The following IQGAP2 variants were observed in gnomAD, a reference collection of about 807,000 sequenced individuals.
IQGAP2 encodes ras GTPase-activating-like protein IQGAP2.
IQGAP2 carries 173 observed loss-of-function variants against 201.3 expected under a neutral mutation model. The observed-to-expected ratio is 0.86, with a 90% CI of 0.76 to 0.98. The LOEUF (loss-of-function observed/expected upper bound fraction) is 0.98. IQGAP2 is among the 50% of genes least tolerant of loss of function. The pLI is 0.00. For missense variants in IQGAP2, 1,687 were observed against 1,864.8 expected, an observed-to-expected ratio of 0.90 and a Z score of 1.76; for synonymous variants, 675 against 673.9, an observed-to-expected ratio of 1.00 and a Z score of -0.03.
intron 35 of IQGAP2, among the ~76,000 whole-genome samples, chr5:76,705,195 C>G (rs1747765475): frequency 2.6e-5 from 4 of 152,220 alleles, no homozygotes; most frequent in Admixed American, 2.6e-4. Context: ...AGCTGGGATC[C>G]AAGTTCTTCA....
chr5:76,529,662 TAATA>T (rs1759172265), intron 2 of IQGAP2, among the ~76,000 whole-genome samples: 1 of 148,514 alleles, frequency 6.7e-6, no homozygotes, highest in African/African-American at 2.5e-5. Context: ...ATAATAATAA[TAATA>T]ATAATAATAA....
chr5:76,604,165 T>G (rs1443739047), intron 11 of IQGAP2, among the ~76,000 whole-genome samples: 1 of 152,052 alleles, frequency 6.6e-6, no homozygotes, highest in African/African-American at 2.4e-5. Flanking sequence ...TGTATGTTGT[T>G]GTTCCCCTCC....
At chr5:76,513,807 A>G (rs916183589) in intron 2 of IQGAP2, among the ~76,000 whole-genome samples, 1 of 152,106 alleles carries the variant, frequency 6.6e-6, no homozygotes, top group Admixed American at 6.5e-5. Flanking sequence ...CAAAATACAG[A>G]ATGTGCAACA....
At chr5:76,632,692 C>G (rs1412561333) in intron 15 of IQGAP2, among the ~76,000 whole-genome samples, 1 of 152,058 alleles carries the variant, frequency 6.6e-6, no homozygotes, top group Non-Finnish European at 1.5e-5. Flanking sequence ...TGTCAAGGAT[C>G]AAGGTGGCTG....
intron 2 of IQGAP2, among the ~76,000 whole-genome samples, chr5:76,535,442 A>C (rs1406595844): frequency 6.6e-6 from 1 of 152,246 alleles, no homozygotes; most frequent in African/African-American, 2.4e-5. Flanking sequence ...AGCTCTGTGC[A>C]GGACCAGCTA....
At chr5:76,656,896 TA>T (rs3839253) in intron 20 of IQGAP2, among the ~76,000 whole-genome samples, 1,890 of 150,906 alleles carry the variant, frequency 0.013, 39 homozygotes, top group African/African-American at 0.043. Context: ...TTTTCTAATT[TA>T]AAAAAAAAAA....
At chr5:76,506,913 C>T (rs1273655526) in intron 2 of IQGAP2, among the ~76,000 whole-genome samples, 1 of 152,108 alleles carries the variant, frequency 6.6e-6, no homozygotes, top group South Asian at 2.1e-4. Context: ...AGATAGGAAC[C>T]CTCCATGTTG....
chr5:76,558,187 C>A (rs1423290584), intron 2 of IQGAP2, among the ~76,000 whole-genome samples: 2 of 152,142 alleles, frequency 1.3e-5, no homozygotes, highest in African/African-American at 4.8e-5. Flanking sequence ...ACAAGCCCAA[C>A]TCTAAAATAT....
chr5:76,677,192 C>A, intron 27 of IQGAP2, 26 bp from the exon 28 acceptor site: 2 of 1,607,470 alleles, frequency 1.2e-6, no homozygotes, highest in South Asian at 1.1e-5. Context: ...TTGAGTCTGT[C>A]TTAAGACTTT....
At chr5:76,455,651 A>G (rs1184800615) in intron 1 of IQGAP2, among the ~76,000 whole-genome samples, 1 of 152,110 alleles carries the variant, frequency 6.6e-6, no homozygotes, top group African/African-American at 2.4e-5. Flanking sequence ...AGCCTAAACT[A>G]TCTCTCCATT....
intron 2 of IQGAP2, among the ~76,000 whole-genome samples, chr5:76,535,775 C>T (rs1032878871): frequency 2.0e-5 from 3 of 152,174 alleles, no homozygotes; most frequent in Non-Finnish European, 2.9e-5. Context: ...GCTACCCTAC[C>T]GGCAGTGCGC....
chr5:76,595,959 A>C (rs1747006772), intron 9 of IQGAP2, among the ~76,000 whole-genome samples: 1 of 152,194 alleles, frequency 6.6e-6, no homozygotes, highest in Non-Finnish European at 1.5e-5. Context: ...AATACCACAA[A>C]CAACCACTAG....
chr5:76,406,890 C>T (rs1750826930), intron 1 of IQGAP2, among the ~76,000 whole-genome samples: 1 of 152,226 alleles, frequency 6.6e-6, no homozygotes, highest in Non-Finnish European at 1.5e-5. Context: ...ATCAATGTTT[C>T]ACTGTTTGCT....
At chr5:76,529,540 A>C (rs1472164696) in intron 2 of IQGAP2, among the ~76,000 whole-genome samples, 3 of 151,874 alleles carry the variant, frequency 2.0e-5, no homozygotes, top group Non-Finnish European at 2.9e-5. Context: ...AGGCGGGAGA[A>C]TTGCTTGAAC....
Position 76,673,574 on chromosome 5 carries a change from C to T in IQGAP2, c.3194C>T (p.Ser1065Phe). ...TDKVLNSIISSLDLLPYGLRY... is the reference protein window; with the variant it reads ...TDKVLNSIISFLDLLPYGLRY... ...AAAGTCCTGAATTCTATCATTTCTT[C>T]CCTTGATCTACTGCCGTAAGTTGTA... The change falls in exon 25 of 36, where the codon TCC becomes TTC. Residue 1065 changes from serine to phenylalanine, a missense_variant. Physicochemically the swap from Ser to Phe is radical, Grantham distance 155 (BLOSUM62 -2). Coordinates refer to ENST00000274364, the MANE Select transcript of IQGAP2 (RefSeq NM_006633.5). 1.9e-6 allele frequency: 3 copies of T among 1,613,878 alleles called. No homozygotes were observed. Among genetic ancestry groups the T allele is most frequent in the Non-Finnish European group, 2.5e-6 (3 of 1,179,868 alleles).
intron 17 of IQGAP2, among the ~76,000 whole-genome samples, chr5:76,647,518 T>C (rs1439291110): frequency 6.5e-5 from 1 of 15,488 alleles, no homozygotes. Flanking sequence ...AGTGAATAAG[T>C]CTCATGAGAT....
intron 1 of IQGAP2, 51 bp from the exon 2 acceptor site, chr5:76,461,519 T>C (rs752022882): frequency 2.5e-5 from 32 of 1,303,126 alleles, no homozygotes; most frequent in Non-Finnish European, 1.8e-5. Context: ...GTCTCAGGTG[T>C]TTAATGAAGA....
intron 2 of IQGAP2, among the ~76,000 whole-genome samples, chr5:76,462,675 C>T (rs1754532480): frequency 6.6e-6 from 1 of 152,168 alleles, no homozygotes; most frequent in African/African-American, 2.4e-5. Flanking sequence ...TGTTAATTAT[C>T]TCTGATCACT....
At chr5:76,677,119 C>A in intron 27 of IQGAP2, 99 bp from the exon 28 acceptor site, 1 of 1,205,934 alleles carries the variant, frequency 8.3e-7, no homozygotes, top group Non-Finnish European at 1.2e-6. Context: ...GAGATGGGAA[C>A]AAAGTACATG....
Sources: gnomAD v4.1 joint callset for allele counts (sites outside exome capture counted in the v4.1 genomes callset) on GRCh38, gnomAD v4.1.1 for gene constraint, MANE v1.5 for transcripts, NCBI Gene and HGNC (gene_info 2026-07-23, HGNC 2026-07-21) for gene names.